GNAQ: variants seen among roughly 807,000 people sequenced by gnomAD.
GNAQ encodes G protein subunit alpha q.
In GNAQ, 8 loss-of-function variants were observed where a neutral mutation model predicts 43.9. The ratio of observed to expected loss-of-function variants is 0.18; its 90% CI spans 0.11 to 0.33. The LOEUF is 0.33. GNAQ is among the 10% of genes least tolerant of loss of function. The pLI is 1.00. For missense variants in GNAQ, 158 were observed against 450.8 expected, an observed-to-expected ratio of 0.35 and a Z score of 5.88; for synonymous variants, 155 against 170.7, an observed-to-expected ratio of 0.91 and a Z score of 0.71.
chr9:77,863,569 C>T (rs1175684805), intron 2 of GNAQ, among the ~76,000 whole-genome samples: 9 of 152,148 alleles, frequency 5.9e-5, no homozygotes, highest in Admixed American at 2.0e-4. Context: ...GTTCCAAAGT[C>T]GCTTTCACAT....
chr9:77,843,356 A>G (rs1827522486), intron 2 of GNAQ, among the ~76,000 whole-genome samples: 1 of 152,216 alleles, frequency 6.6e-6, no homozygotes, highest in Non-Finnish European at 1.5e-5. Flanking sequence ...GGAAGCGAGC[A>G]GAAGAGTGCT....
chr9:77,899,814 A>G (rs988065215), intron 2 of GNAQ, among the ~76,000 whole-genome samples: 9 of 152,134 alleles, frequency 5.9e-5, no homozygotes, highest in African/African-American at 1.9e-4. Flanking sequence ...TATTTAACAA[A>G]TATGTATTAA....
intron 2 of GNAQ, among the ~76,000 whole-genome samples, chr9:77,822,184 T>C (rs1349584079): frequency 2.6e-5 from 4 of 152,156 alleles, no homozygotes; most frequent in Non-Finnish European, 5.9e-5. Context: ...TGTTTGACCA[T>C]GGAAGCTTTT....
chr9:77,812,056 C>G (rs921168584), intron 3 of GNAQ, among the ~76,000 whole-genome samples: 4 of 152,186 alleles, frequency 2.6e-5, no homozygotes, highest in Non-Finnish European at 5.9e-5. Context: ...ACAGCCTCCT[C>G]TTTCTCAATG....
chr9:77,826,162 T>C (rs748398461), intron 2 of GNAQ, among the ~76,000 whole-genome samples: 21 of 152,162 alleles, frequency 1.4e-4, no homozygotes, highest in Admixed American at 5.9e-4. Context: ...TATATTTTTA[T>C]GAAAGTGAAA....
At chr9:77,970,931 A>G (rs945821859) in intron 1 of GNAQ, among the ~76,000 whole-genome samples, 1 of 152,174 alleles carries the variant, frequency 6.6e-6, no homozygotes, top group Non-Finnish European at 1.5e-5. Flanking sequence ...TGCAACAAAA[A>G]ATGATAAAGG....
At chr9:77,754,776 G>A (rs1825872019) in intron 5 of GNAQ, among the ~76,000 whole-genome samples, 1 of 152,154 alleles carries the variant, frequency 6.6e-6, no homozygotes, top group Non-Finnish European at 1.5e-5. Flanking sequence ...GTTATTGGTA[G>A]GAATGTAAAT....
intron 1 of GNAQ, among the ~76,000 whole-genome samples, chr9:78,001,219 GA>G (rs1353314387): frequency 1.3e-5 from 2 of 151,972 alleles, no homozygotes; most frequent in Non-Finnish European, 2.9e-5. Context: ...CCAACATGAT[GA>G]AACCCCATCT....
chr9:77,887,758 T>C (rs1828333897), intron 2 of GNAQ, among the ~76,000 whole-genome samples: 1 of 152,218 alleles, frequency 6.6e-6, no homozygotes, highest in African/African-American at 2.4e-5. Flanking sequence ...TATTAATATA[T>C]AACATATCAC....
intron 1 of GNAQ, among the ~76,000 whole-genome samples, chr9:77,941,044 A>G (rs1480863847): frequency 6.6e-6 from 1 of 152,244 alleles, no homozygotes; most frequent in Admixed American, 6.5e-5. Flanking sequence ...TAACAACTAA[A>G]AAATAATTTA....
At chr9:77,906,709 T>C (rs532547302) in intron 2 of GNAQ, among the ~76,000 whole-genome samples, 4 of 152,250 alleles carry the variant, frequency 2.6e-5, no homozygotes, top group Non-Finnish European at 5.9e-5. Flanking sequence ...CTATTTACAA[T>C]CTTCATTTGT....
intron 1 of GNAQ, among the ~76,000 whole-genome samples, chr9:77,964,152 CAA>C (rs1345249657): frequency 6.6e-6 from 1 of 151,972 alleles, no homozygotes; most frequent in Non-Finnish European, 1.5e-5. Context: ...GATTTTAATG[CAA>C]ATAATATTAT....
chr9:77,774,915 C>T (rs913590322), intron 5 of GNAQ, among the ~76,000 whole-genome samples: 2 of 151,824 alleles, frequency 1.3e-5, no homozygotes, highest in African/African-American at 2.4e-5. Flanking sequence ...ACAAAATGAC[C>T]TTTACCCCAA....
At chr9:77,983,056 T>C (rs1252914147) in intron 1 of GNAQ, among the ~76,000 whole-genome samples, 1 of 152,206 alleles carries the variant, frequency 6.6e-6, no homozygotes, top group Middle Eastern at 3.2e-3. Flanking sequence ...CCCTATATAA[T>C]GTACCAATGC....
chr9:77,760,784 T>G (rs1202485814), intron 5 of GNAQ, among the ~76,000 whole-genome samples: 2 of 137,036 alleles, frequency 1.5e-5, no homozygotes, highest in African/African-American at 5.6e-5. Context: ...CCGGCCGCCA[T>G]CCCATCTAGG....
chr9:77,952,845 T>C (rs997710545), intron 1 of GNAQ, among the ~76,000 whole-genome samples: 2 of 152,154 alleles, frequency 1.3e-5, no homozygotes, highest in African/African-American at 2.4e-5. Flanking sequence ...TAGTGACTCA[T>C]ACCAAGACAA....
intron 5 of GNAQ, among the ~76,000 whole-genome samples, chr9:77,777,776 A>C (rs1275797372): frequency 1.4e-4 from 21 of 152,100 alleles, no homozygotes; most frequent in Admixed American, 1.4e-3. Context: ...ATACCATCTT[A>C]TAACCACTAG....
At chr9:77,948,523 G>T (rs565139063) in intron 1 of GNAQ, among the ~76,000 whole-genome samples, 1 of 152,282 alleles carries the variant, frequency 6.6e-6, no homozygotes, top group African/African-American at 2.4e-5. Flanking sequence ...CAGAGGGGGG[G>T]CAGATGACTG....
chr9:77,834,455 G>T (rs993653026), intron 2 of GNAQ, among the ~76,000 whole-genome samples: 1 of 151,686 alleles, frequency 6.6e-6, no homozygotes, highest in African/African-American at 2.4e-5. Context: ...AATGGTTTTT[G>T]TTAAAGAATT....
Sources: allele counts gnomAD v4.1 joint callset (sites outside exome capture counted in the v4.1 genomes callset), GRCh38; gene constraint gnomAD v4.1.1; transcripts MANE v1.5; gene names NCBI Gene and HGNC (gene_info 2026-07-23, HGNC 2026-07-21).